LOC400499: variants seen among roughly 807,000 people sequenced by gnomAD.
the LOC400499 span, among the ~76,000 whole-genome samples, chr16:11,507,484 G>C: frequency 6.6e-6 from 1 of 152,158 alleles, no homozygotes; most frequent in East Asian, 1.9e-4. Flanking sequence ...CTAGCAGTGT[G>C]GCTTTAAGCA....
the LOC400499 span, among the ~76,000 whole-genome samples, chr16:11,516,979 T>C: frequency 4.2e-3 from 644 of 152,294 alleles, 4 homozygotes; most frequent in African/African-American, 0.015. Context: ...ACTGTATTTG[T>C]TGAGAAACAG....
At chr16:11,482,775 C>G in the LOC400499 span, among the ~76,000 whole-genome samples, 1 of 151,626 alleles carries the variant, frequency 6.6e-6, no homozygotes, top group Non-Finnish European at 1.5e-5. Context: ...GCCTATAGTC[C>G]CAGCTACTCA....
the LOC400499 span, among the ~76,000 whole-genome samples, chr16:11,375,864 G>A: frequency 5.5e-3 from 832 of 151,920 alleles, 4 homozygotes; most frequent in African/African-American, 0.019. Context: ...CAAGTAGCTG[G>A]GATTACACGC....
the LOC400499 span, chr16:11,471,837 G>C: frequency 2.5e-6 from 1 of 399,198 alleles, no homozygotes; most frequent in East Asian, 3.6e-5. Flanking sequence ...GAGGTAAGCA[G>C]GCAGCACTGG....
chr16:11,399,881 G>A, the LOC400499 span: 1 of 398,500 alleles, frequency 2.5e-6, no homozygotes, highest in Non-Finnish European at 4.4e-6. Context: ...GAGGTTAACG[G>A]TGTCCCCACA....
the LOC400499 span, chr16:11,385,499 CG>C: frequency 7.4e-4 from 724 of 984,108 alleles, 6 homozygotes; most frequent in African/African-American, 0.011. Context: ...CTGGGTGCCC[CG>C]GATGCCTAGA....
chr16:11,454,960 G>C, the LOC400499 span, among the ~76,000 whole-genome samples: 1 of 152,228 alleles, frequency 6.6e-6, no homozygotes. Flanking sequence ...TCAGGCTCCA[G>C]GAAGAGGGTC....
At chr16:11,396,388 T>G in the LOC400499 span, 2 of 947,870 alleles carry the variant, frequency 2.1e-6, no homozygotes, top group African/African-American at 3.4e-5. Flanking sequence ...GGTTTGCAGT[T>G]CCTCAGATAG....
chr16:11,429,589 T>C, the LOC400499 span, among the ~76,000 whole-genome samples: 5 of 152,160 alleles, frequency 3.3e-5, no homozygotes, highest in African/African-American at 4.8e-5. Context: ...TTCTCGTGCC[T>C]CAGCCTCCTG....
the LOC400499 span, among the ~76,000 whole-genome samples, chr16:11,410,609 G>A: frequency 2.6e-5 from 4 of 152,262 alleles, no homozygotes; most frequent in Admixed American, 2.6e-4. Context: ...CTGGGCCAGG[G>A]CTGGGAGGGT....
the LOC400499 span, among the ~76,000 whole-genome samples, chr16:11,474,099 T>C: frequency 2.0e-5 from 3 of 152,234 alleles, no homozygotes; most frequent in African/African-American, 7.2e-5. Flanking sequence ...ACTCAAGGAA[T>C]CCTCTCACCT....
chr16:11,385,697 A>C, the LOC400499 span, among the ~76,000 whole-genome samples: 1 of 152,260 alleles, frequency 6.6e-6, no homozygotes, highest in Non-Finnish European at 1.5e-5. Context: ...AGCCTGGCTC[A>C]AATGCCACAG....
chr16:11,461,864 G>A, the LOC400499 span, among the ~76,000 whole-genome samples: 4 of 152,162 alleles, frequency 2.6e-5, no homozygotes, highest in Non-Finnish European at 5.9e-5. Flanking sequence ...GTGTATTTTA[G>A]GTCAAAATGT....
the LOC400499 span, among the ~76,000 whole-genome samples, chr16:11,439,275 G>T: frequency 1.5e-4 from 23 of 152,126 alleles, no homozygotes; most frequent in Non-Finnish European, 2.6e-4. Context: ...CTTCAGCCTG[G>T]ACCATCACTT....
chr16:11,441,346 G>A, the LOC400499 span, among the ~76,000 whole-genome samples: 2 of 152,202 alleles, frequency 1.3e-5, no homozygotes, highest in Non-Finnish European at 2.9e-5. Flanking sequence ...CTTGGGAGTA[G>A]TTTATTTTGT....
chr16:11,374,779 C>T, the LOC400499 span, among the ~76,000 whole-genome samples: 3,612 of 152,212 alleles, frequency 0.024, 150 homozygotes, highest in African/African-American at 0.082. Context: ...CTATGAACAT[C>T]GGTGTATAAA....
chr16:11,512,208 G>A, the LOC400499 span, among the ~76,000 whole-genome samples: 1 of 152,078 alleles, frequency 6.6e-6, no homozygotes, highest in Non-Finnish European at 1.5e-5. Context: ...CTTGAGCCCG[G>A]AAGGAGGAGG....
the LOC400499 span, chr16:11,387,187 G>A: frequency 8.1e-7 from 1 of 1,232,164 alleles, no homozygotes; most frequent in African/African-American, 1.6e-5. Flanking sequence ...ACAGCTCTCG[G>A]AGCGGCCGCA....
the LOC400499 span, chr16:11,448,802 G>T: frequency 1.6e-5 from 12 of 770,834 alleles, no homozygotes; most frequent in Admixed American, 2.3e-4. Flanking sequence ...GAGGCCCAAG[G>T]TCACAGGCCA....
Sources: gnomAD v4.1 joint callset for allele counts (sites outside exome capture counted in the v4.1 genomes callset) on GRCh38, gnomAD v4.1.1 for gene constraint, MANE v1.5 for transcripts.